Variants in ZSCAN5A observed in about 807,000 individuals in gnomAD.
ZSCAN5A encodes zinc finger and SCAN domain containing 5A.
ZSCAN5A carries 12 observed loss-of-function variants against 23.7 expected under a neutral mutation model. The observed-to-expected ratio is 0.51, with a 90% CI of 0.32 to 0.82. The LOEUF (loss-of-function observed/expected upper bound fraction) is 0.82. Ranked by LOEUF, ZSCAN5A falls within the 40% of genes least tolerant of loss-of-function variation. ZSCAN5A has a pLI of 0.03. For missense variants in ZSCAN5A, 597 were observed against 617.9 expected, an observed-to-expected ratio of 0.97 and a Z score of 0.36; for synonymous variants, 257 against 239.9, an observed-to-expected ratio of 1.07 and a Z score of -0.66.
At chr19:56,251,764 T>C (rs933625874) in intron 2 of ZSCAN5A, among the ~76,000 whole-genome samples, 2 of 152,212 alleles carry the variant, frequency 1.3e-5, no homozygotes, top group African/African-American at 4.8e-5. Flanking sequence ...TGTCTCACTA[T>C]GTTGCCCAGG....
At chr19:56,297,598 T>G (rs2039964882) in intron 2 of ZSCAN5A, 1 of 887,144 alleles carries the variant, frequency 1.1e-6, no homozygotes, top group African/African-American at 1.8e-5. Context: ...TGGGCTATGA[T>G]AAAGCCTTAG....
In ZSCAN5A at chr19:56,221,331, G is replaced by C; in HGVS notation, c.*244C>G. 1 of 433,530 alleles carries C rather than the reference G, an allele frequency of 2.3e-6. No individual in the cohort carries two copies. 26.9% of individuals were successfully genotyped at this position (433,530 alleles called of 1,614,324 possible). ...AATATTGAAAACTAATAAGATGATC[G>C]TTTATTGGAAGAACAGCAACACAAA... On this transcript the variant is annotated 3_prime_UTR_variant, in exon 6 of 6. Coordinates refer to ENST00000683990, the MANE Select transcript of ZSCAN5A (RefSeq NM_001322064.3).
At chr19:56,257,092 C>A (rs746292756) in intron 2 of ZSCAN5A, among the ~76,000 whole-genome samples, 13 of 152,038 alleles carry the variant, frequency 8.6e-5, no homozygotes, top group Admixed American at 4.6e-4. Flanking sequence ...TCATTTCTAG[C>A]GGGGTTAGAT....
At chr19:56,295,569 TGG>T (rs2039815139) in intron 2 of ZSCAN5A, among the ~76,000 whole-genome samples, 1 of 152,010 alleles carries the variant, frequency 6.6e-6, no homozygotes, top group South Asian at 2.1e-4. Flanking sequence ...CACCCCAGTC[TGG>T]GCAACAGAGC....
intron 2 of ZSCAN5A, among the ~76,000 whole-genome samples, chr19:56,335,074 C>T (rs915015227): frequency 1.3e-5 from 2 of 152,042 alleles, no homozygotes; most frequent in African/African-American, 4.8e-5. Flanking sequence ...AGCTGACAGA[C>T]AAAATAGCCA....
intron 2 of ZSCAN5A, among the ~76,000 whole-genome samples, chr19:56,229,315 G>T (rs1310719260): frequency 2.0e-5 from 3 of 152,150 alleles, no homozygotes; most frequent in Non-Finnish European, 4.4e-5. Context: ...CTTCACTCTG[G>T]GAACTTCAAA....
At chr19:56,344,927 AAAAAAAAAG>A (rs1568761632) in intron 2 of ZSCAN5A, among the ~76,000 whole-genome samples, 10 of 148,048 alleles carry the variant, frequency 6.8e-5, no homozygotes, top group East Asian at 2.0e-4. Context: ...AAAAAAAAAA[AAAAAAAAAG>A]AAAAAAAAGA....
At chr19:56,322,816 C>A (rs996120600) in intron 2 of ZSCAN5A, among the ~76,000 whole-genome samples, 28 of 151,822 alleles carry the variant, frequency 1.8e-4, no homozygotes, top group African/African-American at 6.8e-4. Flanking sequence ...CATATAATAC[C>A]TAATACAATG....
intron 2 of ZSCAN5A, among the ~76,000 whole-genome samples, chr19:56,261,286 A>G (rs549479821): frequency 1.3e-5 from 2 of 152,280 alleles, no homozygotes; most frequent in East Asian, 3.9e-4. Flanking sequence ...CTGATGGCCA[A>G]ATTGATGTTG....
intron 2 of ZSCAN5A, among the ~76,000 whole-genome samples, chr19:56,244,952 A>G (rs1257958071): frequency 6.6e-6 from 1 of 152,172 alleles, no homozygotes; most frequent in Non-Finnish European, 1.5e-5. Context: ...GTGAGCTGCC[A>G]TCGGCCAATT....
chr19:56,319,817 C>G (rs1038413431), upstream of ZSCAN5A: 7 of 778,280 alleles, frequency 9.0e-6, no homozygotes, highest in Middle Eastern at 4.5e-4. Context: ...TGGGACTCTT[C>G]TGTCGAGGTT....
chr19:56,241,308 T>C (rs1220709458), intron 2 of ZSCAN5A, among the ~76,000 whole-genome samples: 5 of 152,184 alleles, frequency 3.3e-5, no homozygotes, highest in Admixed American at 2.0e-4. Context: ...GCCCAGGCTG[T>C]TATCAAACTC....
At chr19:56,285,283 G>A (rs1031570625) in intron 2 of ZSCAN5A, among the ~76,000 whole-genome samples, 2 of 152,098 alleles carry the variant, frequency 1.3e-5, no homozygotes, top group African/African-American at 2.4e-5. Context: ...GGAAAATATC[G>A]AGGAAACATA....
intron 2 of ZSCAN5A, chr19:56,246,762 A>G (rs763078425): frequency 1.8e-5 from 29 of 1,572,946 alleles, no homozygotes; most frequent in Non-Finnish European, 2.5e-5. Flanking sequence ...AGGGGAAGGA[A>G]CCCAAAAAAA....
chr19:56,279,451 A>C (rs1197228325), intron 2 of ZSCAN5A, among the ~76,000 whole-genome samples: 3 of 152,202 alleles, frequency 2.0e-5, no homozygotes. Flanking sequence ...AACATAATTT[A>C]ATGCTATTAT....
chr19:56,260,874 C>T (rs549126031), intron 2 of ZSCAN5A, among the ~76,000 whole-genome samples: 1 of 152,122 alleles, frequency 6.6e-6, no homozygotes, highest in South Asian at 2.1e-4. Flanking sequence ...ACTTAAACTC[C>T]ACAACCAACT....
Position 56,337,693 on chromosome 19 carries a change from G to GTA in ZSCAN5A, c.-357-21427_-357-21426dup, listed in dbSNP as rs1241131489. Among the ~76,000 whole-genome samples, 5 of 152,212 alleles carry GTA rather than the reference G, an allele frequency of 3.3e-5. No homozygotes were observed. The East Asian group carries it at 9.6e-4, about 29-fold the overall frequency. On this transcript the variant is annotated intron_variant, in intron 2 of 6. Transcript: ENST00000587340. ...TTCTGCGTCACTCATGCTGGGAGCT[G>GTA]TAGACTGGAGCTGTTCCTATTCAGC...
intron 2 of ZSCAN5A, among the ~76,000 whole-genome samples, chr19:56,276,437 T>C (rs967028195): frequency 4.0e-5 from 6 of 151,242 alleles, no homozygotes; most frequent in African/African-American, 7.3e-5. Context: ...CACCAGCTGG[T>C]GGTTTGCAAA....
chr19:56,267,858 G>C (rs1209091591), intron 2 of ZSCAN5A, among the ~76,000 whole-genome samples: 2 of 152,190 alleles, frequency 1.3e-5, no homozygotes, highest in Non-Finnish European at 2.9e-5. Context: ...GCTAGAAAAA[G>C]TATCGACTGT....
Sources: allele counts gnomAD v4.1 joint callset (sites outside exome capture counted in the v4.1 genomes callset), GRCh38; gene constraint gnomAD v4.1.1; transcripts MANE v1.5; gene names NCBI Gene and HGNC (gene_info 2026-07-23, HGNC 2026-07-21).